Variants in MYH14 observed in about 807,000 individuals in gnomAD.
MYH14 encodes the protein myosin-14.
Under a neutral mutation model 255.5 loss-of-function variants are expected in MYH14, and 123 were observed. The observed-to-expected ratio is 0.48, with a 90% CI of 0.42 to 0.56. MYH14 has a LOEUF of 0.56. Ranked by LOEUF, MYH14 falls within the 20% of genes least tolerant of loss-of-function variation. The probability of loss-of-function intolerance (pLI) is 0.00; values close to 1 mark genes in which losing one functional copy is unlikely to be tolerated. For synonymous variants in MYH14, 1,095 were observed against 1,161.2 expected (o/e 0.94, Z 1.16); for missense variants, 2,423 against 2,802.3 (o/e 0.86, Z 3.06).
rs868666229 is a variant in MYH14 at position 50,260,668 on chromosome 19, G to A, written c.2377G>A (p.Ala793Thr). 4 of 1,613,236 alleles carry A rather than the reference G, an allele frequency of 2.5e-6. No individual in the cohort carries two copies. The African/African-American group carries it at 5.4e-5, about 22-fold the overall frequency. ...RQRYEILTPN[A>T]IPKGFMDGKQ... ...CAGATACGAGATCCTGACACCCAATGCCATCCCCAAGGGCTTCATGGATGG... is the reference window on the plus strand; with the variant it reads ...CAGATACGAGATCCTGACACCCAATACCATCCCCAAGGGCTTCATGGATGG... Residue 793 changes from alanine to threonine, a missense_variant, in exon 20 of 43, where the codon GCC becomes ACC. By Grantham distance (58) the Ala-to-Thr change is moderately conservative (BLOSUM62 0). Around this residue, in one of 3 missense-constraint regions of MYH14, gnomAD observed 672 missense variants for 881.8 expected, o/e 0.76. Transcript: ENST00000642316.
intron 1 of MYH14, among the ~76,000 whole-genome samples, chr19:50,208,513 A>G (rs2031969789): frequency 6.6e-6 from 1 of 150,862 alleles, no homozygotes; most frequent in Admixed American, 6.6e-5. Context: ...AAAAAATAAA[A>G]AAGAGAGAGA....
At chr19:50,217,801 G>T in intron 3 of MYH14, 30 bp downstream of exon 3, 2 of 1,605,856 alleles carry the variant, frequency 1.2e-6, no homozygotes. Flanking sequence ...GTAGGCCAGC[G>T]AGGCGGCTCT....
chr19:50,291,295 GT>G (rs1045982968), intron 36 of MYH14, among the ~76,000 whole-genome samples: 18 of 149,104 alleles, frequency 1.2e-4, no homozygotes, highest in Admixed American at 5.3e-4. Context: ...TTGTTTCTTT[GT>G]TTGTTCAGTT....
chr19:50,281,377 C>T (rs1262592249), intron 32 of MYH14, among the ~76,000 whole-genome samples: 1 of 152,216 alleles, frequency 6.6e-6, no homozygotes, highest in Non-Finnish European at 1.5e-5. Flanking sequence ...GTCTGATTCA[C>T]CTCTGCATCT....
intron 23 of MYH14, 122 bp downstream of exon 23, chr19:50,267,130 C>T (rs1160561038): frequency 1.0e-6 from 1 of 986,814 alleles, no homozygotes; most frequent in Non-Finnish European, 1.5e-6. Flanking sequence ...GCAGGGCTGT[C>T]GGGAGGATGG....
intron 33 of MYH14, among the ~76,000 whole-genome samples, chr19:50,284,102 A>C (rs1196804209): frequency 2.0e-5 from 3 of 151,488 alleles, no homozygotes; most frequent in Non-Finnish European, 4.4e-5. Context: ...CAAAAAAAAA[A>C]CAAAAAAAAA....
chr19:50,292,142 G>A (rs374745733), intron 36 of MYH14, 119 bp from the exon 37 acceptor site: 42 of 1,086,278 alleles, frequency 3.9e-5, no homozygotes, highest in Admixed American at 3.4e-4. Context: ...TGCAGGGTTC[G>A]GAGAGTTCCC....
In MYH14 at chr19:50,234,658, G is replaced by C. The variant is rs2033576143; in HGVS notation, c.1114+2588G>C. ...GCTGGGCAGCTGGCACACAAATTCAGACTGTGGCTGCAATGGGGACCTGGG... is the reference window on the plus strand; with the variant it reads ...GCTGGGCAGCTGGCACACAAATTCACACTGTGGCTGCAATGGGGACCTGGG... On this transcript the variant is annotated intron_variant, in intron 10 of 42. Transcript: ENST00000642316. Among the ~76,000 whole-genome samples the C allele has an allele frequency of 2.7e-5, 4 of 149,210 alleles. No homozygotes were observed. The South Asian group carries it at 8.6e-4, about 32-fold the overall frequency.
At position 50,231,941 on chromosome 19, in the gene MYH14, C is replaced by A. The variant is rs1335360912; in HGVS notation, c.985C>A (p.Leu329Ile). 1 of 1,614,002 alleles carries A rather than the reference C, an allele frequency of 6.2e-7. No homozygotes were observed. Among genetic ancestry groups the A allele is most frequent in the South Asian group, 1.1e-5 (1 of 91,088 alleles). ...AGEQLKADLL[L>I]EPCSHYRFLT... is the part of the protein sequence containing the mutation. ...CATTGTCCCTGCAGCCGACCTCCTC[C>A]TCGAGCCCTGCTCCCACTACCGGTT... The change falls in exon 10 of 43, where the codon CTC (leucine) becomes ATC (isoleucine). Residue 329 changes from leucine (L) to isoleucine (I), a missense_variant. By Grantham distance (5) the Leu-to-Ile change is conservative. This residue lies in a region of MYH14 where 672 missense variants were observed against 881.8 expected (regional missense o/e 0.76). Transcript: ENST00000642316.
chr19:50,229,116 C>G lies in MYH14; in HGVS notation c.875-1409C>G, dbSNP rs1436883021. On this transcript the variant is annotated intron_variant, in intron 8 of 42. Transcript: ENST00000642316. Reference sequence around the variant, plus strand: ...AACCGAAGCTCAGGGCTGTTGTCCCCCAGGGTTCGACAGCCTGCGTGTGCT... The same window carrying G: ...AACCGAAGCTCAGGGCTGTTGTCCCGCAGGGTTCGACAGCCTGCGTGTGCT... Among the ~76,000 whole-genome samples, 3 of 152,266 alleles carry G rather than the reference C, an allele frequency of 2.0e-5. No homozygotes were observed. The East Asian group carries it at 5.8e-4, about 29-fold the overall frequency.
chr19:50,265,573 C>T (rs192970817), intron 22 of MYH14, among the ~76,000 whole-genome samples: 301 of 152,126 alleles, frequency 2.0e-3, no homozygotes, highest in Non-Finnish European at 3.6e-3. Flanking sequence ...GTAATCCCAG[C>T]AGTTTGGGAG....
chr19:50,286,266 A>G, intron 33 of MYH14: 1 of 471,910 alleles, frequency 2.1e-6, no homozygotes, highest in South Asian at 5.0e-5. Flanking sequence ...TGTTGAACAT[A>G]TAGAGTTAGG....
chr19:50,242,362 A>C (rs1385080100), intron 10 of MYH14, among the ~76,000 whole-genome samples: 1 of 152,248 alleles, frequency 6.6e-6, no homozygotes, highest in African/African-American at 2.4e-5. Context: ...ACAGACTCAC[A>C]GTTCCACGTG....
intron 2 of MYH14, 71 bp downstream of exon 2, chr19:50,210,841 G>A: frequency 3.9e-6 from 6 of 1,523,070 alleles, no homozygotes; most frequent in South Asian, 2.5e-5. Context: ...TCCACCACCC[G>A]GCTCCCCTGC....
At chr19:50,304,336 T>A (rs1313073865) in intron 40 of MYH14, among the ~76,000 whole-genome samples, 2 of 152,214 alleles carry the variant, frequency 1.3e-5, no homozygotes, top group Non-Finnish European at 2.9e-5. Flanking sequence ...ACGCCTGTAA[T>A]CCCAGCACTT....
chr19:50,289,323 C>T (rs2035988705), intron 34 of MYH14, 113 bp from the exon 35 acceptor site: 3 of 827,386 alleles, frequency 3.6e-6, no homozygotes, highest in Admixed American at 4.1e-5. Flanking sequence ...CTAGGATGGG[C>T]ACACTGACTT....
intron 10 of MYH14, among the ~76,000 whole-genome samples, chr19:50,242,380 T>A (rs1401029309): frequency 1.3e-5 from 2 of 152,134 alleles, no homozygotes; most frequent in East Asian, 1.9e-4. Context: ...GTGGCTGGGG[T>A]GGCCTCCACA....
chr19:50,269,379 A>G (rs753705205), intron 24 of MYH14, among the ~76,000 whole-genome samples: 4 of 152,080 alleles, frequency 2.6e-5, no homozygotes, highest in Non-Finnish European at 5.9e-5. Context: ...ACAGGGTTTC[A>G]GTATGTTGGC....
At chr19:50,306,338 G>A (rs1004568483) in intron 40 of MYH14, among the ~76,000 whole-genome samples, 5 of 152,066 alleles carry the variant, frequency 3.3e-5, no homozygotes, top group African/African-American at 7.2e-5. Context: ...CTTCCCACTC[G>A]CCCCCAGCCC....
Sources: gnomAD v4.1 joint callset for allele counts (sites outside exome capture counted in the v4.1 genomes callset) on GRCh38, gnomAD v4.1.1 for gene constraint, gnomAD v4.1.1 regional missense constraint, MANE v1.5 for transcripts, NCBI Gene and HGNC (gene_info 2026-07-23, HGNC 2026-07-21) for gene names.